Variants in MAP3K20 observed in about 807,000 individuals in gnomAD.
MAP3K20 encodes mitogen-activated protein kinase kinase kinase 20, also known as HCCS-4.
In MAP3K20, 40 loss-of-function variants were observed where a neutral mutation model predicts 85.7. The ratio of observed to expected loss-of-function variants is 0.47; its 90% CI spans 0.36 to 0.61. MAP3K20 has a LOEUF of 0.61. Ranked by LOEUF, MAP3K20 falls within the 20% of genes least tolerant of loss-of-function variation. The pLI, the probability that MAP3K20 is intolerant of heterozygous loss-of-function variation, is 0.00. For missense variants in MAP3K20, 817 were observed against 961.7 expected (o/e 0.85, Z 1.99); for synonymous variants, 325 against 327.7 (o/e 0.99, Z 0.09).
intron 18 of MAP3K20, among the ~76,000 whole-genome samples, chr2:173,263,253 C>G (rs898483147): frequency 6.6e-6 from 1 of 152,172 alleles, no homozygotes; most frequent in African/African-American, 2.4e-5. Context: ...GCAGGTAATT[C>G]ACCCCACCAC....
intron 2 of MAP3K20, among the ~76,000 whole-genome samples, chr2:173,120,164 T>G (rs1267092573): frequency 1.3e-5 from 2 of 152,218 alleles, no homozygotes; most frequent in Admixed American, 6.5e-5. Context: ...CTGTAACTAG[T>G]CATGATCTCT....
chr2:173,215,317 C>A (rs908133815), intron 10 of MAP3K20, among the ~76,000 whole-genome samples: 6 of 152,324 alleles, frequency 3.9e-5, no homozygotes, highest in African/African-American at 1.4e-4. Flanking sequence ...GCCTCACTGA[C>A]TGAAGATGGC....
At chr2:173,196,145 G>T (rs1033499397) in intron 7 of MAP3K20, among the ~76,000 whole-genome samples, 1 of 152,080 alleles carries the variant, frequency 6.6e-6, no homozygotes, top group Non-Finnish European at 1.5e-5. Flanking sequence ...TGCGTTTGGG[G>T]GTCTGGAGCG....
At chr2:173,223,387 T>G in intron 11 of MAP3K20, 1 of 917,490 alleles carries the variant, frequency 1.1e-6, no homozygotes. Context: ...TTAAAAGAAA[T>G]AATATATGTA....
intron 2 of MAP3K20, among the ~76,000 whole-genome samples, chr2:173,132,352 T>C (rs1408283048): frequency 6.6e-6 from 1 of 152,164 alleles, no homozygotes; most frequent in Non-Finnish European, 1.5e-5. Context: ...AAAGCTTTCG[T>C]CTTCTCCTCC....
rs1688362833 is a variant in MAP3K20, at chr2:173,123,728, CTG to C, written c.159+32541_159+32542del. On this transcript the variant is annotated intron_variant, in intron 2 of 19. Transcript: ENST00000375213. Reference sequence around the variant, plus strand: ...AGTACCCTAACTTTCACATGAGAGACTGTGGTTGTAAATTCAACTGATGTTGT... The same window carrying C: ...AGTACCCTAACTTTCACATGAGAGACTGGTTGTAAATTCAACTGATGTTGT... Among the ~76,000 whole-genome samples, 2 of 152,088 alleles carry C rather than the reference CTG, an allele frequency of 1.3e-5. 1 individual carries two copies. The highest frequency in any genetic ancestry group is 4.1e-4 in the South Asian group (2 of 4,828).
chr2:173,128,308 T>TTAAGG (rs1327254953), intron 2 of MAP3K20, among the ~76,000 whole-genome samples: 1 of 120,714 alleles, frequency 8.3e-6, no homozygotes, highest in Non-Finnish European at 1.7e-5. Flanking sequence ...AACATTATAG[T>TTAAGG]TGACTTATTT....
intron 2 of MAP3K20, among the ~76,000 whole-genome samples, chr2:173,154,992 G>A (rs1264660888): frequency 2.6e-5 from 4 of 152,132 alleles, no homozygotes. Context: ...GAGAAGGAGG[G>A]AAGGGTCAAG....
At chr2:173,226,314 C>T (rs1293203507) in intron 11 of MAP3K20, 2 of 984,608 alleles carry the variant, frequency 2.0e-6, no homozygotes, top group African/African-American at 3.5e-5. Context: ...AAAACTTATT[C>T]TGAGTTAAAT....
Position 173,238,368 on chromosome 2 carries a change from TAC to T in MAP3K20, c.1204-3_1204-2del. ...ATTAATAAAGTCATATGATTTTTTT[TAC>T]AGTCAGCCATTGAGAAATTAACCCA... On this transcript the variant is annotated splice_polypyrimidine_tract_variant and splice_region_variant and intron_variant, in intron 14 of 19. Transcript: ENST00000375213. 1 of 1,610,174 alleles carries T rather than the reference TAC, an allele frequency of 6.2e-7. No individual in the cohort carries two copies. Among genetic ancestry groups the T allele is most frequent in the Non-Finnish European group, 8.5e-7 (1 of 1,177,312 alleles).
At chr2:173,182,460 CAATT>C (rs1413348254) in intron 3 of MAP3K20, among the ~76,000 whole-genome samples, 3 of 152,112 alleles carry the variant, frequency 2.0e-5, no homozygotes, top group African/African-American at 7.2e-5. Context: ...TATGTGACAA[CAATT>C]GATTTGTTTA....
At chr2:173,251,984 TAGAGAG>T (rs923676584) in intron 16 of MAP3K20, among the ~76,000 whole-genome samples, 3 of 151,140 alleles carry the variant, frequency 2.0e-5, no homozygotes, top group Admixed American at 6.6e-5. Flanking sequence ...TAGGGAAAAA[TAGAGAG>T]AGAGAGAGAG....
At chr2:173,115,320 A>G (rs369372507) in intron 2 of MAP3K20, among the ~76,000 whole-genome samples, 1 of 152,026 alleles carries the variant, frequency 6.6e-6, no homozygotes, top group Non-Finnish European at 1.5e-5. Context: ...TTCTTGTATC[A>G]TAGTTTGGAC....
intron 11 of MAP3K20, chr2:173,224,967 T>C: frequency 1.1e-6 from 1 of 887,580 alleles, no homozygotes; most frequent in Non-Finnish European, 1.3e-6. Context: ...TTTACAAAAA[T>C]GTACATTTAG....
In MAP3K20 at chr2:173,151,025, TG is replaced by T. The variant is rs143540093; in HGVS notation, c.160-18778del. On this transcript the variant is annotated intron_variant, in intron 2 of 19. Transcript: ENST00000375213. ...AAAGAACACACTTAATTGAGAGACC[TG>T]GAAGACCACACAGCTCATACATGAT... Among the ~76,000 whole-genome samples, 9 of 152,318 alleles carry T rather than the reference TG, an allele frequency of 5.9e-5. No homozygotes were observed. In the East Asian group the frequency reaches 1.7e-3, roughly 29 times the overall value.
chr2:173,185,573 T>C (rs1206050006), intron 4 of MAP3K20, among the ~76,000 whole-genome samples: 1 of 152,210 alleles, frequency 6.6e-6, no homozygotes, highest in Non-Finnish European at 1.5e-5. Flanking sequence ...CTATGTACCT[T>C]TCAGTTTAAC....
intron 2 of MAP3K20, among the ~76,000 whole-genome samples, chr2:173,121,677 G>A (rs746561260): frequency 2.6e-5 from 4 of 151,916 alleles, no homozygotes; most frequent in Non-Finnish European, 4.4e-5. Context: ...GTGAGCCACC[G>A]CGCCCGGCTG....
chr2:173,187,497 G>A (rs1559269115), intron 4 of MAP3K20, 61 bp from the exon 5 acceptor site: 1 of 1,400,488 alleles, frequency 7.1e-7, no homozygotes, highest in Non-Finnish European at 9.8e-7. Flanking sequence ...AACTATGAAA[G>A]GTAATACTGA....
intron 16 of MAP3K20, among the ~76,000 whole-genome samples, chr2:173,254,053 A>T (rs1177349431): frequency 7.0e-6 from 1 of 142,918 alleles, no homozygotes; most frequent in East Asian, 2.1e-4. Flanking sequence ...CCCGGGTGAC[A>T]GAGTAAGAAC....
Sources: gnomAD v4.1 joint callset for allele counts (sites outside exome capture counted in the v4.1 genomes callset) on GRCh38, gnomAD v4.1.1 for gene constraint, MANE v1.5 for transcripts, NCBI Gene and HGNC (gene_info 2026-07-23, HGNC 2026-07-21) for gene names.